Variants in ZNF547 observed in about 807,000 individuals in gnomAD.
ZNF547 encodes the protein zinc finger protein 547.
A neutral mutation model predicts 7.7 loss-of-function variants in ZNF547; 4 were observed. That is an observed-to-expected ratio of 0.52 (90% CI 0.26 to 1.20). ZNF547 has a LOEUF of 1.20. ZNF547 is among the 50% of genes most tolerant of loss of function. ZNF547 has a pLI of 0.14. For synonymous variants in ZNF547, 166 were observed against 166.2 expected (o/e 1.00, Z 0.01); for missense variants, 449 against 485.8 (o/e 0.92, Z 0.71).
intron 1 of ZNF547, 190 bp from the exon 2 acceptor site, chr19:57,368,354 C>T (rs2088483734): frequency 3.4e-6 from 2 of 586,548 alleles, no homozygotes; most frequent in South Asian, 2.2e-5. Context: ...CACTGAAGCT[C>T]CAGCAGGTTC....
chr19:57,364,614 G>A, intron 1 of ZNF547: 1 of 590,718 alleles, frequency 1.7e-6, no homozygotes, highest in East Asian at 2.8e-5. Context: ...GGTGACGCGC[G>A]CCTGTAATCC....
chr19:57,365,072 A>G (rs2088456104), intron 1 of ZNF547: 2 of 1,610,920 alleles, frequency 1.2e-6, no homozygotes, highest in South Asian at 1.1e-5. Context: ...ACCGCGGGGC[A>G]TATGAGGTTT....
At chr19:57,376,013 A>G (rs1333146312) in intron 3 of ZNF547, among the ~76,000 whole-genome samples, 2 of 152,060 alleles carry the variant, frequency 1.3e-5, no homozygotes, top group African/African-American at 2.4e-5. Flanking sequence ...AAATACAATA[A>G]TTAGCCAGGC....
chr19:57,363,772 A>C (rs999140992), intron 1 of ZNF547, 69 bp downstream of exon 1: 1 of 150,650 alleles, frequency 6.6e-6, no homozygotes, highest in Non-Finnish European at 1.5e-5. Context: ...AAGCCCATAG[A>C]AGGGGCCCTG....
chr19:57,370,073 A>C (rs2123015556), intron 2 of ZNF547, among the ~76,000 whole-genome samples: 1 of 151,654 alleles, frequency 6.6e-6, no homozygotes, highest in South Asian at 2.1e-4. Context: ...TTGTATTTTT[A>C]GTAGAGATGG....
intron 1 of ZNF547, among the ~76,000 whole-genome samples, chr19:57,366,627 C>T (rs1183179600): frequency 2.0e-5 from 3 of 148,806 alleles, no homozygotes; most frequent in African/African-American, 5.0e-5. Flanking sequence ...CTCACTGCAA[C>T]CTCTGCCTCC....
Position 57,377,902 on chromosome 19 carries a change from C to T in ZNF547, c.926C>T (p.Ser309Phe). 2 of 1,614,096 alleles carry T rather than the reference C, an allele frequency of 1.2e-6. No homozygotes were observed. Among genetic ancestry groups the T allele is most frequent in the South Asian group, 1.1e-5 (1 of 91,078 alleles). Residue 309 changes from serine (S) to phenylalanine (F), a missense_variant, in exon 4 of 4, where the codon TCT (serine) becomes TTT (phenylalanine). By Grantham distance (155) the Ser-to-Phe change is radical. Transcript: ENST00000282282. Reference sequence around the variant, plus strand: ...TGTGGGAAATTCTTTATGGAAAGGTCTACACTCAGTAGACATCAGAGAGTT... The same window carrying T: ...TGTGGGAAATTCTTTATGGAAAGGTTTACACTCAGTAGACATCAGAGAGTT... Reference protein sequence around the residue: ...SECGKFFMERSTLSRHQRVHT... With the variant: ...SECGKFFMERFTLSRHQRVHT...
intron 1 of ZNF547, chr19:57,364,250 ATT>A (rs112859190): frequency 3.1e-4 from 45 of 147,172 alleles, no homozygotes; most frequent in South Asian, 8.2e-4. Context: ...GTGAAGGGTC[ATT>A]TTTTTTTTTT....
Position 57,378,656 on chromosome 19 carries a change from T to C in ZNF547, c.*471T>C, listed in dbSNP as rs73634646. 8,917 of 364,472 alleles carry C rather than the reference T, an allele frequency of 0.024. 291 individuals are homozygous for C. The highest frequency in any genetic ancestry group is 0.1 in the African/African-American group (4,787 of 46,914). 22.6% of individuals were successfully genotyped at this position (364,472 alleles called of 1,614,324 possible). A position where few individuals can be genotyped will look rare whatever the true frequency, so the allele number is the denominator to read the frequency against. On this transcript the variant is annotated 3_prime_UTR_variant, in exon 4 of 4. Transcript: ENST00000282282. ...ACGAACAACACCCAGAAATCTGTGA[T>C]TTAGCACTGAGAACTAGTATTATAT... is the stretch of plus-strand genomic sequence containing the variant.
At chr19:57,373,769 C>T (rs1163627689) in intron 3 of ZNF547, among the ~76,000 whole-genome samples, 3 of 152,222 alleles carry the variant, frequency 2.0e-5, no homozygotes, top group African/African-American at 7.2e-5. Context: ...CCTCTGACTC[C>T]ATCTCTCACA....
rs1415721649 is a variant in ZNF547 at position 57,378,509 on chromosome 19, G to A, written c.*324G>A. On this transcript the variant is annotated 3_prime_UTR_variant, in exon 4 of 4. Coordinates refer to ENST00000282282, the MANE Select transcript of ZNF547 (RefSeq NM_173631.4). Reference sequence around the variant, plus strand: ...ATTGGGCTTCAGAATATCCACACTAGTGAAAGTCTTCTGAGTACAGCAAAT... The same window carrying A: ...ATTGGGCTTCAGAATATCCACACTAATGAAAGTCTTCTGAGTACAGCAAAT... 2.5e-5 allele frequency: 12 copies of A among 479,840 alleles called. No homozygotes were observed. The highest frequency in any genetic ancestry group is 4.8e-5 in the Non-Finnish European group (12 of 250,478). 29.7% of individuals were successfully genotyped at this position (479,840 alleles called of 1,614,324 possible).
At chr19:57,369,285 G>T (rs929443332) in intron 2 of ZNF547, among the ~76,000 whole-genome samples, 11 of 152,060 alleles carry the variant, frequency 7.2e-5, no homozygotes, top group Non-Finnish European at 1.2e-4. Flanking sequence ...TGAGGCAGCT[G>T]GGGGGGTGGG....
chr19:57,371,973 A>T, intron 3 of ZNF547, 65 bp downstream of exon 3: 12 of 1,495,812 alleles, frequency 8.0e-6, no homozygotes, highest in Non-Finnish European at 1.1e-5. Context: ...ACCTGAAGGC[A>T]GCTCTGCGTT....
Position 57,378,934 on chromosome 19 carries a change from A to G in ZNF547, c.*749A>G, listed in dbSNP as rs1004061601. On this transcript the variant is annotated 3_prime_UTR_variant, in exon 4 of 4. Coordinates refer to ENST00000282282, the MANE Select transcript of ZNF547 (RefSeq NM_173631.4). ...TATTCTTGGTACTTCTCAGAAGAAG[A>G]ATCTTAGAGTGTTTTTCATTATTTT... is the stretch of plus-strand genomic sequence containing the variant. The G allele has an allele frequency of 1.7e-5, 3 of 180,240 alleles. No homozygotes were observed. In the Admixed American group the frequency reaches 1.9e-4, roughly 11 times the overall value. 11.2% of individuals were successfully genotyped at this position (180,240 alleles called of 1,614,324 possible).
At chr19:57,370,845 C>T (rs554008844) in intron 2 of ZNF547, 2 of 152,206 alleles carry the variant, frequency 1.3e-5, no homozygotes, top group African/African-American at 4.8e-5. Context: ...GATGTGGTTT[C>T]TCTTCCACAT....
intron 3 of ZNF547, among the ~76,000 whole-genome samples, chr19:57,373,384 A>G (rs2088518113): frequency 6.6e-6 from 1 of 152,158 alleles, no homozygotes; most frequent in Non-Finnish European, 1.5e-5. Flanking sequence ...TTACAATTCA[A>G]GATGAGATTT....
intron 1 of ZNF547, among the ~76,000 whole-genome samples, chr19:57,367,609 G>A (rs1277110741): frequency 6.6e-6 from 1 of 152,120 alleles, no homozygotes; most frequent in East Asian, 1.9e-4. Flanking sequence ...GAAAGGCGCA[G>A]ACCTGCCATA....
chr19:57,376,093 G>A (rs1351178607), intron 3 of ZNF547, among the ~76,000 whole-genome samples: 1 of 152,210 alleles, frequency 6.6e-6, no homozygotes, highest in Admixed American at 6.5e-5. Flanking sequence ...AACCCAGGAT[G>A]CAGATGTTGC....
chr19:57,364,916 C>T, intron 1 of ZNF547: 1 of 1,612,756 alleles, frequency 6.2e-7, no homozygotes. Flanking sequence ...GCTGGGAAGG[C>T]AGAATCCAAA....
Sources: allele counts gnomAD v4.1 joint callset (sites outside exome capture counted in the v4.1 genomes callset), GRCh38; gene constraint gnomAD v4.1.1; transcripts MANE v1.5; gene names NCBI Gene and HGNC (gene_info 2026-07-23, HGNC 2026-07-21).